Variants in DOK6 observed in about 807,000 individuals in gnomAD.
DOK6 encodes the protein downstream of tyrosine kinase 6.
DOK6 carries 22 observed loss-of-function variants against 44.0 expected under a neutral mutation model. The ratio of observed to expected loss-of-function variants is 0.50; its 90% CI spans 0.36 to 0.71. The LOEUF is 0.71. Ranked by LOEUF, DOK6 falls within the 30% of genes least tolerant of loss-of-function variation. DOK6 has a pLI of 0.00. For missense variants in DOK6, 340 were observed against 416.4 expected (o/e 0.82, Z 1.60); for synonymous variants, 166 against 145.5 (o/e 1.14, Z -1.01).
chr18:69,539,182 T>C (rs1405817497), intron 1 of DOK6, among the ~76,000 whole-genome samples: 1 of 152,178 alleles, frequency 6.6e-6, no homozygotes, highest in Non-Finnish European at 1.5e-5. Flanking sequence ...TCTTCATTGG[T>C]TGTCAATATA....
intron 6 of DOK6, among the ~76,000 whole-genome samples, chr18:69,754,997 C>T (rs541593708): frequency 6.6e-6 from 1 of 152,172 alleles, no homozygotes; most frequent in South Asian, 2.1e-4. Flanking sequence ...AGATTTGTAT[C>T]CCTGGCAAAG....
At chr18:69,666,496 T>C (rs1260936054) in intron 3 of DOK6, among the ~76,000 whole-genome samples, 4 of 152,178 alleles carry the variant, frequency 2.6e-5, no homozygotes, top group Non-Finnish European at 5.9e-5. Context: ...AATCCCAAAA[T>C]TTCAGTGTCT....
At chr18:69,655,761 C>CAAAAAAAAAAAAAAAAAAAA (rs74175379) in intron 3 of DOK6, among the ~76,000 whole-genome samples, 1 of 43,200 alleles carries the variant, frequency 2.3e-5, no homozygotes, top group African/African-American at 1.1e-4. Flanking sequence ...CCCCACCCCT[C>CAAAAAAAAAAAAAAAAAAAA]AAAAAAAAAA....
At chr18:69,584,662 G>A (rs1272287045) in intron 2 of DOK6, among the ~76,000 whole-genome samples, 2 of 151,680 alleles carry the variant, frequency 1.3e-5, no homozygotes, top group African/African-American at 4.8e-5. Context: ...TTTTTTTCTG[G>A]ACTATCTTAG....
At chr18:69,409,328 G>T (rs551689080) in intron 1 of DOK6, among the ~76,000 whole-genome samples, 2 of 152,294 alleles carry the variant, frequency 1.3e-5, no homozygotes, top group East Asian at 3.9e-4. Flanking sequence ...TACACATGTA[G>T]AAACGTGTGT....
chr18:69,657,621 A>G (rs1294024380), intron 3 of DOK6, among the ~76,000 whole-genome samples: 1 of 152,230 alleles, frequency 6.6e-6, no homozygotes, highest in African/African-American at 2.4e-5. Context: ...ATGTTAAATC[A>G]TGTATTAGAA....
intron 3 of DOK6, among the ~76,000 whole-genome samples, chr18:69,626,921 G>A (rs148893958): frequency 1.2e-3 from 189 of 152,296 alleles, no homozygotes; most frequent in African/African-American, 4.2e-3. Flanking sequence ...AAGGGATGGG[G>A]CCTCTGTGGT....
At chr18:69,668,352 A>G (rs926079536) in intron 3 of DOK6, among the ~76,000 whole-genome samples, 4 of 152,048 alleles carry the variant, frequency 2.6e-5, no homozygotes, top group Non-Finnish European at 4.4e-5. Flanking sequence ...ATTCTACCTT[A>G]CATACCTTGT....
chr18:69,795,938 C>G (rs1980731832), intron 7 of DOK6, among the ~76,000 whole-genome samples: 1 of 151,808 alleles, frequency 6.6e-6, no homozygotes, highest in Non-Finnish European at 1.5e-5. Context: ...GAGCCAGCCA[C>G]TGAACTGTGA....
chr18:69,667,953 A>G (rs1211564798), intron 3 of DOK6, among the ~76,000 whole-genome samples: 1 of 152,172 alleles, frequency 6.6e-6, no homozygotes, highest in Non-Finnish European at 1.5e-5. Context: ...ATCCACTTCA[A>G]TAACTAATAA....
chr18:69,611,881 GGA>G (rs1380190493), intron 3 of DOK6, among the ~76,000 whole-genome samples: 4 of 151,866 alleles, frequency 2.6e-5, no homozygotes, highest in Admixed American at 6.6e-5. Context: ...AGCTTGTATT[GGA>G]ACTGTGCAGC....
In DOK6 at chr18:69,505,690, G is replaced by A. The variant is rs566722320; in HGVS notation, c.67-58797G>A. The stretch of plus-strand genomic sequence containing the variant: ...TTTTTGTATTTTTAGTAGACATAGG[G>A]TTTCACCATGTTCACCAGGCTGGTC... On this transcript the variant is annotated intron_variant, in intron 1 of 7. Transcript: ENST00000382713. Among the ~76,000 whole-genome samples the A allele has an allele frequency of 2.7e-3, 404 of 151,432 alleles. 1 individual carries two copies. Among genetic ancestry groups the A allele is most frequent in the Middle Eastern group, 0.01 (3 of 294 alleles).
chr18:69,534,172 G>A (rs973881385), intron 1 of DOK6, among the ~76,000 whole-genome samples: 2 of 152,134 alleles, frequency 1.3e-5, no homozygotes, highest in Non-Finnish European at 2.9e-5. Context: ...CTGCTATTAA[G>A]TGGCAGTTTT....
In DOK6 at chr18:69,767,946, A is replaced by G. The variant is rs563008016; in HGVS notation, c.856+10073A>G. On this transcript the variant is annotated intron_variant, in intron 7 of 7. Transcript: ENST00000382713. ...GAAGAGTTTCCAGATGTTACACTGG[A>G]TTAGTATAATCCACCAATGGTTTTA... 5.9e-5 allele frequency among the ~76,000 whole-genome samples: 9 copies of G among 152,322 alleles called. No individual in the cohort carries two copies. In the East Asian group the frequency reaches 1.7e-3, roughly 29 times the overall value.
At chr18:69,768,659 T>A (rs778439530) in intron 7 of DOK6, among the ~76,000 whole-genome samples, 5 of 150,108 alleles carry the variant, frequency 3.3e-5, no homozygotes, top group Non-Finnish European at 7.4e-5. Flanking sequence ...GATTGAAAGA[T>A]AATAAAAGAT....
At chr18:69,788,667 T>C (rs1451458067) in intron 7 of DOK6, among the ~76,000 whole-genome samples, 2 of 152,192 alleles carry the variant, frequency 1.3e-5, no homozygotes, top group Non-Finnish European at 2.9e-5. Flanking sequence ...TATGCATTAG[T>C]GTAATCAGAA....
chr18:69,714,647 G>GA (rs1986841384), intron 5 of DOK6, among the ~76,000 whole-genome samples: 1 of 151,928 alleles, frequency 6.6e-6, no homozygotes, highest in African/African-American at 2.4e-5. Context: ...TGCCTCAGAA[G>GA]AAAAAAACTA....
chr18:69,834,246 G>T (rs941854657), intron 7 of DOK6, among the ~76,000 whole-genome samples: 3 of 152,166 alleles, frequency 2.0e-5, no homozygotes, highest in African/African-American at 7.2e-5. Context: ...TGGAACTAGG[G>T]TCATTATGTT....
intron 1 of DOK6, among the ~76,000 whole-genome samples, chr18:69,522,224 C>CCACA (rs927762887): frequency 6.6e-6 from 1 of 151,098 alleles, no homozygotes; most frequent in African/African-American, 2.4e-5. Flanking sequence ...ACACACACAC[C>CCACA]CACACACATA....
Sources: gnomAD v4.1 joint callset for allele counts (sites outside exome capture counted in the v4.1 genomes callset) on GRCh38, gnomAD v4.1.1 for gene constraint, MANE v1.5 for transcripts, NCBI Gene and HGNC (gene_info 2026-07-23, HGNC 2026-07-21) for gene names.